The following IL1RAPL1 variants were observed in gnomAD, a reference collection of about 807,000 sequenced individuals.
IL1RAPL1 encodes interleukin 1 receptor accessory protein like 1.
In IL1RAPL1, 3 loss-of-function variants were observed where a neutral mutation model predicts 48.4. The ratio of observed to expected loss-of-function variants is 0.06; its 90% confidence interval spans 0.03 to 0.16. The LOEUF is 0.16. Among genes scored for constraint, IL1RAPL1 ranks in the 10% least tolerant of loss-of-function variants. IL1RAPL1 has a pLI of 1.00. For synonymous variants in IL1RAPL1, 185 were observed against 187.7 expected (o/e 0.99, Z 0.12); for missense variants, 349 against 530.6 (o/e 0.66, Z 3.36).
At chrX:29,386,345 GATA>G (rs1933777625) in intron 3 of IL1RAPL1, among the ~76,000 whole-genome samples, 1 of 110,537 alleles carries the variant, frequency 9.0e-6, no homozygotes, top group South Asian at 3.8e-4. Context: ...TTTATTTTTT[GATA>G]ATACCCATCC....
At chrX:29,055,082 A>G (rs918843850) in intron 2 of IL1RAPL1, among the ~76,000 whole-genome samples, 4 of 111,876 alleles carry the variant, frequency 3.6e-5, no homozygotes, top group African/African-American at 1.3e-4. Flanking sequence ...CCAGTTACCT[A>G]AATATAAGTA....
At chrX:29,212,078 T>TC (rs1482436963) in intron 2 of IL1RAPL1, among the ~76,000 whole-genome samples, 1 of 111,041 alleles carries the variant, frequency 9.0e-6, no homozygotes, top group African/African-American at 3.3e-5. Flanking sequence ...TGAACTCCTG[T>TC]CCCCCCGCAA....
intron 5 of IL1RAPL1, among the ~76,000 whole-genome samples, chrX:29,521,238 C>G (rs191489171): frequency 9.0e-6 from 1 of 111,627 alleles, no homozygotes; most frequent in Non-Finnish European, 1.9e-5. Context: ...TTCTTCATAC[C>G]TGGAGCCTCG....
chrX:28,737,165 C>T (rs755253775), intron 1 of IL1RAPL1, among the ~76,000 whole-genome samples: 12 of 68,249 alleles, frequency 1.8e-4, no homozygotes, highest in South Asian at 7.7e-4. Flanking sequence ...TTCCTTCCTT[C>T]CTTCCTTCCT....
chrX:29,602,267 T>G (rs1449995380), intron 5 of IL1RAPL1, among the ~76,000 whole-genome samples: 1 of 111,163 alleles, frequency 9.0e-6, no homozygotes, highest in African/African-American at 3.3e-5. Flanking sequence ...ACAGGTGCAA[T>G]CCATTGCGCG....
At chrX:28,795,162 C>T (rs1420354682) in intron 2 of IL1RAPL1, among the ~76,000 whole-genome samples, 1 of 110,970 alleles carries the variant, frequency 9.0e-6, no homozygotes, top group Non-Finnish European at 1.9e-5. Flanking sequence ...AAAAAAAATG[C>T]ACTTTAATTT....
chrX:29,746,669 G>A (rs912651874), intron 6 of IL1RAPL1, among the ~76,000 whole-genome samples: 3 of 110,825 alleles, frequency 2.7e-5, no homozygotes, highest in South Asian at 3.8e-4. Flanking sequence ...GTGCAGTGGC[G>A]CGATCTCAGC....
At chrX:29,572,368 C>T (rs1922620976) in intron 5 of IL1RAPL1, among the ~76,000 whole-genome samples, 1 of 112,069 alleles carries the variant, frequency 8.9e-6, no homozygotes, top group African/African-American at 3.2e-5. Flanking sequence ...TCTCCAAAGT[C>T]ATTTTCTGAT....
chrX:29,024,576 G>A (rs1467279390), intron 2 of IL1RAPL1, among the ~76,000 whole-genome samples: 4 of 111,813 alleles, frequency 3.6e-5, no homozygotes, highest in Non-Finnish European at 5.7e-5. Flanking sequence ...TAAATTTAAA[G>A]TAATTGAAAA....
intron 5 of IL1RAPL1, among the ~76,000 whole-genome samples, chrX:29,525,889 T>C (rs1935548308): frequency 8.9e-6 from 1 of 112,146 alleles, no homozygotes; most frequent in Non-Finnish European, 1.9e-5. Flanking sequence ...AGGCTGGTAA[T>C]TTTTTTCTGA....
intron 1 of IL1RAPL1, among the ~76,000 whole-genome samples, chrX:28,684,192 T>C (rs1460689242): frequency 8.9e-6 from 1 of 112,429 alleles, no homozygotes; most frequent in East Asian, 2.8e-4. Flanking sequence ...CACCTTATAT[T>C]TGTTATATTT....
intron 2 of IL1RAPL1, among the ~76,000 whole-genome samples, chrX:29,251,995 C>T (rs916920276): frequency 7.4e-5 from 8 of 107,470 alleles, no homozygotes; most frequent in African/African-American, 2.9e-4. Flanking sequence ...AATCATCATT[C>T]TCAGTAAACT....
intron 6 of IL1RAPL1, among the ~76,000 whole-genome samples, chrX:29,897,225 G>A (rs1461878837): frequency 6.2e-5 from 7 of 112,341 alleles, no homozygotes; most frequent in African/African-American, 1.9e-4. Flanking sequence ...CTGTTAACAA[G>A]GGGATTAGGA....
At chrX:29,064,781 T>C (rs1927418429) in intron 2 of IL1RAPL1, among the ~76,000 whole-genome samples, 1 of 111,499 alleles carries the variant, frequency 9.0e-6, no homozygotes, top group African/African-American at 3.3e-5. Flanking sequence ...TGGGGTTTCA[T>C]TGTGTTAGCC....
intron 1 of IL1RAPL1, among the ~76,000 whole-genome samples, chrX:28,622,527 C>G (rs1202425362): frequency 1.8e-5 from 2 of 111,525 alleles, no homozygotes; most frequent in African/African-American, 3.3e-5. Context: ...TCATAAAATT[C>G]ATTTATGCTT....
rs781307768 is a variant in IL1RAPL1, at chrX:29,119,523, T to C, written c.83-163415T>C. ...TCTCAGATCTGTCAGACAACTGAGG[T>C]CACAGGGCAAAAAGCTGCCCCCAAA... On this transcript the variant is annotated intron_variant, in intron 2 of 10. Transcript: ENST00000378993. 2.9e-3 allele frequency among the ~76,000 whole-genome samples: 321 copies of C among 111,750 alleles called. 1 individual carries two copies. The highest frequency in any genetic ancestry group is 4.5e-3 in the Non-Finnish European group (241 of 53,086).
At chrX:29,093,198 A>G (rs1418675390) in intron 2 of IL1RAPL1, among the ~76,000 whole-genome samples, 2 of 111,677 alleles carry the variant, frequency 1.8e-5, no homozygotes, top group African/African-American at 6.5e-5. Flanking sequence ...AAATGGTTCA[A>G]TTGGCTCACA....
intron 6 of IL1RAPL1, among the ~76,000 whole-genome samples, chrX:29,702,991 A>C (rs1243641007): frequency 1.8e-5 from 2 of 112,588 alleles, no homozygotes; most frequent in Non-Finnish European, 3.7e-5. Flanking sequence ...ATTAATTTCC[A>C]AAATAAATAG....
intron 6 of IL1RAPL1, among the ~76,000 whole-genome samples, chrX:29,769,831 G>A (rs1302275717): frequency 1.8e-5 from 2 of 108,914 alleles, no homozygotes; most frequent in Admixed American, 2.0e-4. Flanking sequence ...TGATCAGGCT[G>A]GTCTCGAACT....
Sources: allele counts gnomAD v4.1 joint callset (sites outside exome capture counted in the v4.1 genomes callset), GRCh38; gene constraint gnomAD v4.1.1; transcripts MANE v1.5; gene names NCBI Gene and HGNC (gene_info 2026-07-23, HGNC 2026-07-21).